ADRA1B: variants seen among roughly 807,000 people sequenced by gnomAD.
The protein encoded by ADRA1B is alpha-1B adrenergic receptor.
A neutral mutation model predicts 17.9 loss-of-function variants in ADRA1B; 17 were observed. The ratio of observed to expected loss-of-function variants is 0.95; its 90% CI spans 0.65 to 1.42. The LOEUF (loss-of-function observed/expected upper bound fraction) is 1.42, where lower values mean the gene tolerates loss of function less well. Among genes scored for constraint, ADRA1B ranks in the 40% most tolerant of loss-of-function variants. ADRA1B has a pLI of 0.00. For synonymous variants in ADRA1B, 366 were observed against 327.6 expected (o/e 1.12, Z -1.27); for missense variants, 681 against 722.1 (o/e 0.94, Z 0.65).
At chr5:159,925,224 A>G (rs1754611025) in intron 1 of ADRA1B, among the ~76,000 whole-genome samples, 1 of 152,228 alleles carries the variant, frequency 6.6e-6, no homozygotes, top group South Asian at 2.1e-4. Flanking sequence ...GGAAAGAAAA[A>G]GCATGTGGCT....
chr5:159,937,467 A>T (rs1442351305), intron 1 of ADRA1B, among the ~76,000 whole-genome samples: 1 of 150,290 alleles, frequency 6.7e-6, no homozygotes, highest in Non-Finnish European at 1.5e-5. Context: ...TTTGAGACAG[A>T]GTCTCAGGAG....
chr5:159,918,870 G>A lies in ADRA1B; in HGVS notation c.949+1016G>A, dbSNP rs552561872. Among the ~76,000 whole-genome samples, 88 of 152,158 alleles carry A rather than the reference G, an allele frequency of 5.8e-4. No homozygotes were observed. In the Middle Eastern group the frequency reaches 0.01, roughly 18 times the overall value. On this transcript the variant is annotated intron_variant, in intron 1 of 1. Transcript: ENST00000306675. ...CTTTGATTCCTTCTCCTATCCCTGGGGGACACTACAGAAAATGAATGGAGG... is the reference window on the plus strand; with the variant it reads ...CTTTGATTCCTTCTCCTATCCCTGGAGGACACTACAGAAAATGAATGGAGG...
At chr5:159,933,721 G>A (rs562912857) in intron 1 of ADRA1B, among the ~76,000 whole-genome samples, 8 of 152,352 alleles carry the variant, frequency 5.3e-5, no homozygotes, top group South Asian at 4.1e-4. Context: ...CAGCCACAGC[G>A]TATAAACAGA....
intron 1 of ADRA1B, among the ~76,000 whole-genome samples, chr5:159,959,199 A>G (rs1000589853): frequency 5.3e-5 from 8 of 152,236 alleles, no homozygotes; most frequent in Non-Finnish European, 1.2e-4. Context: ...GGTAAATAAA[A>G]AAGAAGAAGT....
chr5:159,914,886 CA>C (rs1754263850), upstream of ADRA1B, among the ~76,000 whole-genome samples: 1 of 152,176 alleles, frequency 6.6e-6, no homozygotes, highest in South Asian at 2.1e-4. Flanking sequence ...CTTTACTTTT[CA>C]ATCTCCAGCT....
chr5:159,948,083 C>T (rs369491362), intron 1 of ADRA1B: 70 of 985,298 alleles, frequency 7.1e-5, no homozygotes, highest in Middle Eastern at 5.2e-4. Flanking sequence ...GACTGCAGAC[C>T]GATTTTCATA....
intron 1 of ADRA1B, among the ~76,000 whole-genome samples, chr5:159,944,512 G>A (rs1347446818): frequency 2.0e-5 from 3 of 152,158 alleles, no homozygotes; most frequent in African/African-American, 7.2e-5. Context: ...CTGGTCTCTC[G>A]ACAGGCTGTG....
chr5:159,925,723 G>GAA (rs765234534), intron 1 of ADRA1B, among the ~76,000 whole-genome samples: 8 of 152,158 alleles, frequency 5.3e-5, no homozygotes, highest in Non-Finnish European at 8.8e-5. Flanking sequence ...ATATTCAACA[G>GAA]AACCCACACA....
rs147533372 is a variant in ADRA1B at position 159,889,025 on chromosome 5, G to A, written c.-256+23819G>A. ...GTACTGAGCTTCTATGACTGAAGAC[G>A]CAATTGTAAGATATACAGTCACACC... On this transcript the variant is annotated intron_variant, in intron 1 of 2. Coordinates refer to the ADRA1B transcript ENST00000641205. Among the ~76,000 whole-genome samples the A allele has an allele frequency of 6.7e-3, 1,019 of 152,238 alleles. 6 individuals are homozygous for A. Among genetic ancestry groups the A allele is most frequent in the Non-Finnish European group, 9.5e-3 (649 of 68,030 alleles).
the ADRA1B span, among the ~76,000 whole-genome samples, chr5:159,983,762 T>C: frequency 6.7e-6 from 1 of 149,008 alleles, no homozygotes; most frequent in South Asian, 2.1e-4. Context: ...AGAGACAAGA[T>C]TTTTTTTTCT....
At chr5:159,873,984 G>A (rs1374871284) in intron 1 of ADRA1B, among the ~76,000 whole-genome samples, 1 of 152,164 alleles carries the variant, frequency 6.6e-6, no homozygotes, top group Non-Finnish European at 1.5e-5. Flanking sequence ...GCAGAGGGCA[G>A]AAAATGTCTT....
intron 1 of ADRA1B, chr5:159,937,873 T>C (rs1457443357): frequency 6.6e-6 from 1 of 152,226 alleles, no homozygotes; most frequent in Non-Finnish European, 1.5e-5. Context: ...CAAGTTTGTC[T>C]TTAGTGACCC....
chr5:159,886,721 T>G (rs1288491141), intron 1 of ADRA1B, among the ~76,000 whole-genome samples: 1 of 152,124 alleles, frequency 6.6e-6, no homozygotes, highest in South Asian at 2.1e-4. Flanking sequence ...GGAAACCCAC[T>G]CTTACATTGC....
intron 1 of ADRA1B, among the ~76,000 whole-genome samples, chr5:159,883,768 G>T (rs1315651983): frequency 6.6e-6 from 1 of 152,208 alleles, no homozygotes; most frequent in Non-Finnish European, 1.5e-5. Flanking sequence ...CTTACTCAAT[G>T]AACCATAATT....
chr5:159,888,973 T>A (rs17057250), intron 1 of ADRA1B, among the ~76,000 whole-genome samples: 1 of 152,206 alleles, frequency 6.6e-6, no homozygotes, highest in Non-Finnish European at 1.5e-5. Flanking sequence ...CATCCCAACA[T>A]GGACGGCTCA....
rs1754124630 is a variant in ADRA1B at position 159,903,458 on chromosome 5, TAGG to T, written c.-255-12658_-255-12656del. On this transcript the variant is annotated intron_variant, in intron 1 of 2. Coordinates refer to the ADRA1B transcript ENST00000641205. ...ATTTAACTACTATTTTTGTTATTAGTAGGAGTAGTGGTATATTATCCTCACTAT... is the reference window on the plus strand; with the variant it reads ...ATTTAACTACTATTTTTGTTATTAGTAGTAGTGGTATATTATCCTCACTAT... Among the ~76,000 whole-genome samples, 6 of 152,356 alleles carry T rather than the reference TAGG, an allele frequency of 3.9e-5. No individual in the cohort carries two copies. In the South Asian group the frequency reaches 1.2e-3, roughly 32 times the overall value.
chr5:159,985,452 A>T, the ADRA1B span, among the ~76,000 whole-genome samples: 71 of 152,364 alleles, frequency 4.7e-4, 1 homozygote, highest in South Asian at 0.015. Flanking sequence ...TTATTGAATG[A>T]ATGAATGATG....
chr5:159,882,113 C>T (rs1489102234), intron 1 of ADRA1B, among the ~76,000 whole-genome samples: 1 of 152,118 alleles, frequency 6.6e-6, no homozygotes, highest in African/African-American at 2.4e-5. Flanking sequence ...GTGTGCAGTG[C>T]TGAGGCTTAT....
chr5:159,894,435 G>A (rs1341481795), intron 1 of ADRA1B, among the ~76,000 whole-genome samples: 2 of 147,560 alleles, frequency 1.4e-5, no homozygotes, highest in Non-Finnish European at 3.0e-5. Context: ...GCACATCAGA[G>A]TCAAGCATAT....
Sources: gnomAD v4.1 joint callset for allele counts (sites outside exome capture counted in the v4.1 genomes callset) on GRCh38, gnomAD v4.1.1 for gene constraint, MANE v1.5 for transcripts, NCBI Gene and HGNC (gene_info 2026-07-23, HGNC 2026-07-21) for gene names.